ATP2C2: variants seen among roughly 807,000 people sequenced by gnomAD.
ATP2C2 encodes the protein ATPase secretory pathway Ca2+ transporting 2, also known as calcium-transporting ATPase type 2C member 2.
In ATP2C2, 171 loss-of-function variants were observed where a neutral mutation model predicts 110.8. The ratio of observed to expected loss-of-function variants is 1.54; its 90% CI spans 1.36 to 1.75. The LOEUF is 1.75. Ranked by LOEUF, ATP2C2 falls within the 40% of genes most tolerant of loss-of-function variation. The pLI, the probability that ATP2C2 is intolerant of heterozygous loss-of-function variation, is 0.00. For missense variants in ATP2C2, 1,963 were observed against 1,235.0 expected (o/e 1.59, Z -8.84); for synonymous variants, 804 against 508.4 (o/e 1.58, Z -7.82).
intron 18 of ATP2C2, among the ~76,000 whole-genome samples, chr16:84,452,902 C>T (rs545039301): frequency 6.6e-6 from 1 of 152,224 alleles, no homozygotes; most frequent in Non-Finnish European, 1.5e-5. Flanking sequence ...TCCTTACCAG[C>T]TGTGTGTCCT....
chr16:84,410,105 A>T (rs1567702767), intron 4 of ATP2C2, among the ~76,000 whole-genome samples: 2 of 152,116 alleles, frequency 1.3e-5, no homozygotes, highest in Non-Finnish European at 2.9e-5. Flanking sequence ...GCTACTTGGG[A>T]GGCCGAGGCA....
At chr16:84,442,420 C>T (rs998631792) in intron 14 of ATP2C2, 90 bp from the exon 15 acceptor site, 5 of 1,233,784 alleles carry the variant, frequency 4.1e-6, no homozygotes, top group South Asian at 2.4e-5. Flanking sequence ...GTCCCCACAA[C>T]CCCAGCTGTA....
At chr16:84,403,115 T>C (rs543130993) in intron 2 of ATP2C2, among the ~76,000 whole-genome samples, 57 of 152,330 alleles carry the variant, frequency 3.7e-4, no homozygotes, top group African/African-American at 1.3e-3. Flanking sequence ...CTTTCTGTGA[T>C]ATAATTTGTG....
intron 6 of ATP2C2, 104 bp from the exon 7 acceptor site, chr16:84,415,379 T>G: frequency 1.0e-6 from 1 of 963,074 alleles, no homozygotes; most frequent in South Asian, 1.3e-5. Context: ...TGGTGTATAT[T>G]AAAAGAGAAA....
At chr16:84,416,921 G>A (rs1906886817) in intron 7 of ATP2C2, among the ~76,000 whole-genome samples, 1 of 95,736 alleles carries the variant, frequency 1.0e-5, no homozygotes, top group Non-Finnish European at 2.5e-5. Flanking sequence ...CCGAGAAGGG[G>A]GGTCCTAACA....
At chr16:84,421,205 G>T (rs796602964) in intron 7 of ATP2C2, among the ~76,000 whole-genome samples, 3 of 152,330 alleles carry the variant, frequency 2.0e-5, no homozygotes, top group African/African-American at 7.2e-5. Context: ...GACTTCTTAT[G>T]CTTCATTGTC....
At chr16:84,396,494 G>A (rs1424944222) in intron 1 of ATP2C2, among the ~76,000 whole-genome samples, 1 of 147,894 alleles carries the variant, frequency 6.8e-6, no homozygotes, top group Non-Finnish European at 1.5e-5. Flanking sequence ...AGGTTGTAGT[G>A]AGCCGAGGTC....
At chr16:84,425,898 G>A in intron 11 of ATP2C2, 97 bp downstream of exon 11, 2 of 1,442,170 alleles carry the variant, frequency 1.4e-6, no homozygotes, top group Non-Finnish European at 1.9e-6. Flanking sequence ...TGCAGAATAG[G>A]AAGGGTTGGG....
chr16:84,419,907 C>T lies in ATP2C2; in HGVS notation c.625-2483C>T, dbSNP rs193274233. Among the ~76,000 whole-genome samples the T allele has an allele frequency of 4.6e-5, 7 of 152,292 alleles. No homozygotes were observed. The East Asian group carries it at 1.2e-3, about 25-fold the overall frequency. On this transcript the variant is annotated intron_variant, in intron 7 of 26. Transcript: ENST00000262429. ...TCCTGGATTTCCCAAATGGGAGAGA[C>T]TTGCCTGGCCTGGTGCACTCAGGGA...
rs752847451 is a variant in ATP2C2 at position 84,422,377 on chromosome 16, C to T, written c.625-13C>T. 1.6e-5 allele frequency: 25 copies of T among 1,610,846 alleles called. No individual in the cohort carries two copies. Among genetic ancestry groups the T allele is most frequent in the African/African-American group, 2.7e-5 (2 of 74,718 alleles). ...CAGAGAGATTCCACAGCCTTTTCCC[C>T]TTGCTCTCCTAGGTCACGGACCTCT... On this transcript the variant is annotated splice_polypyrimidine_tract_variant and intron_variant, in intron 7 of 26. Coordinates refer to ENST00000262429, the MANE Select transcript of ATP2C2 (RefSeq NM_014861.4).
chr16:84,416,632 A>G (rs1906858297), intron 7 of ATP2C2, among the ~76,000 whole-genome samples: 5 of 152,116 alleles, frequency 3.3e-5, no homozygotes, highest in Admixed American at 3.3e-4. Flanking sequence ...CTCTGCCGTG[A>G]CCTTCAGATT....
intron 14 of ATP2C2, 21 bp downstream of exon 14, chr16:84,440,979 G>C (rs1909202555): frequency 6.3e-7 from 1 of 1,575,394 alleles, no homozygotes. Flanking sequence ...AAAGCGCCAT[G>C]AGGGAAATAG....
chr16:84,462,345 C>T (rs1241377917), intron 26 of ATP2C2: 14 of 602,192 alleles, frequency 2.3e-5, no homozygotes, highest in African/African-American at 3.7e-5. Flanking sequence ...AGAGGCCTGT[C>T]ACTCAAGAGT....
Position 84,461,730 on chromosome 16 carries a change from C to G in ATP2C2, c.2498C>G (p.Ala833Gly), listed in dbSNP as rs914928080. The change falls in exon 25 of 27, where the codon GCA becomes GGA. Residue 833 changes from alanine to glycine, a missense_variant. Transcript: ENST00000262429. Reference sequence around the variant, plus strand: ...ACCTTCCAGATGCCTGAAGACAGAGCAAGCACTCCCCGCACCACGACGATG... The same window carrying G: ...ACCTTCCAGATGCCTGAAGACAGAGGAAGCACTCCCCGCACCACGACGATG... ...IFWKEMPEDRASTPRTTTMTF... is the reference protein window; with the variant it reads ...IFWKEMPEDRGSTPRTTTMTF... 3 of 1,614,172 alleles carry G rather than the reference C, an allele frequency of 1.9e-6. No homozygotes were observed. The highest frequency in any genetic ancestry group is 1.7e-5 in the Admixed American group (1 of 60,022).
intron 15 of ATP2C2, among the ~76,000 whole-genome samples, chr16:84,444,001 T>C (rs1909510293): frequency 6.6e-6 from 1 of 151,818 alleles, no homozygotes; most frequent in Admixed American, 6.6e-5. Context: ...AACCCATCTC[T>C]ACAAAAAATA....
At chr16:84,413,319 C>T (rs375349289) in intron 6 of ATP2C2, among the ~76,000 whole-genome samples, 1 of 152,072 alleles carries the variant, frequency 6.6e-6, no homozygotes, top group Non-Finnish European at 1.5e-5. Flanking sequence ...GATACGGTCC[C>T]GCGTCTCAAA....
chr16:84,390,512 A>C lies in ATP2C2; in HGVS notation c.100-7987A>C, dbSNP rs557713520. ...CGCGTGGGTCTATCTGCAGCAGGCA[A>C]ATAACATCTTGGGGGTTCCAAAGGA... On this transcript the variant is annotated intron_variant, in intron 1 of 26. Transcript: ENST00000262429. Among the ~76,000 whole-genome samples, 216 of 152,306 alleles carry C rather than the reference A, an allele frequency of 1.4e-3. 1 individual carries two copies. The highest frequency in any genetic ancestry group is 2.5e-3 in the Admixed American group (38 of 15,306).
At chr16:84,370,967 C>T (rs1909920470) in intron 1 of ATP2C2, among the ~76,000 whole-genome samples, 1 of 152,190 alleles carries the variant, frequency 6.6e-6, no homozygotes, top group Non-Finnish European at 1.5e-5. Flanking sequence ...CGTTTGTTTG[C>T]TCAGTGAGCA....
Position 84,462,049 on chromosome 16 carries a change from G to A in ATP2C2, c.2642G>A (p.Gly881Glu). ...CACATGTTCCTCTACTCCGTCCTGG[G>A]GTCCATCCTGGGGCAGCTGGCGGTC... is the stretch of plus-strand genomic sequence containing the variant. ...RNHMFLYSVL[G>E]SILGQLAVIY... Residue 881 changes from glycine to glutamate, a missense_variant, in exon 26 of 27, where the codon GGG becomes GAG. Transcript: ENST00000262429. The A allele has an allele frequency of 1.9e-6, 3 of 1,614,078 alleles. No homozygotes were observed. Among genetic ancestry groups the A allele is most frequent in the South Asian group, 1.1e-5 (1 of 91,082 alleles).
Sources: allele counts gnomAD v4.1 joint callset (sites outside exome capture counted in the v4.1 genomes callset), GRCh38; gene constraint gnomAD v4.1.1; transcripts MANE v1.5; gene names NCBI Gene and HGNC (gene_info 2026-07-23, HGNC 2026-07-21).